GLI3: variants seen among roughly 807,000 people sequenced by gnomAD.
The protein encoded by GLI3 is transcription activator GLI3.
A neutral mutation model predicts 100.8 loss-of-function variants in GLI3; 20 were observed. The observed-to-expected ratio is 0.20, with a 90% CI of 0.14 to 0.29. The LOEUF (loss-of-function observed/expected upper bound fraction) is 0.29. Ranked by LOEUF, GLI3 falls within the 10% of genes least tolerant of loss-of-function variation. The probability of loss-of-function intolerance (pLI) is 1.00; values close to 1 mark genes in which losing one functional copy is unlikely to be tolerated. For missense variants in GLI3, 2,040 were observed against 2,128.5 expected (o/e 0.96, Z 0.82); for synonymous variants, 938 against 860.5 (o/e 1.09, Z -1.58).
chr7:41,987,101 GACAC>G (rs34005460), intron 10 of GLI3, among the ~76,000 whole-genome samples: 4,978 of 140,686 alleles, frequency 0.035, 238 homozygotes, highest in African/African-American at 0.12. Context: ...CACAGACACA[GACAC>G]ACACACACAC....
intron 3 of GLI3, among the ~76,000 whole-genome samples, chr7:42,101,434 C>T (rs757293961): frequency 6.6e-6 from 1 of 151,958 alleles, no homozygotes. Flanking sequence ...GACCTGGTCT[C>T]TACAATTTTT....
chr7:42,172,757 T>G, intron 2 of GLI3: 1 of 630,992 alleles, frequency 1.6e-6, no homozygotes, highest in South Asian at 1.8e-5. Flanking sequence ...CACATTTCAT[T>G]ACTTGGCTAT....
chr7:41,965,378 T>C lies in GLI3; in HGVS notation c.3695A>G (p.His1232Arg), dbSNP rs780924905. 1 of 1,612,894 alleles carries C rather than the reference T, an allele frequency of 6.2e-7. No individual in the cohort carries two copies. The highest frequency in any genetic ancestry group is 1.1e-5 in the South Asian group (1 of 90,996). Residue 1232 changes from histidine to arginine, a missense_variant, in exon 15 of 15, where the codon CAC becomes CGC. This residue lies in a region of GLI3 where 1,041 missense variants were observed against 924.0 expected (regional missense o/e 1.13). Coordinates refer to ENST00000395925, the MANE Select transcript of GLI3 (RefSeq NM_000168.6). ...PYGGPEHLML[H>R]NSPGSGTSGN... ...ACTGGTGCCACTTCCGGGGCTGTTG[T>C]GGAGCATCAAGTGCTCTGGGCCACC...
intron 10 of GLI3, among the ~76,000 whole-genome samples, chr7:41,994,976 T>A (rs1012185401): frequency 1.3e-5 from 2 of 152,210 alleles, no homozygotes; most frequent in Non-Finnish European, 2.9e-5. Flanking sequence ...AGTTTATGAA[T>A]TTCAGCACTC....
intron 1 of GLI3, among the ~76,000 whole-genome samples, chr7:42,252,287 A>T (rs1481761492): frequency 6.6e-6 from 1 of 152,218 alleles, no homozygotes; most frequent in Non-Finnish European, 1.5e-5. Context: ...TGGGAGCTAA[A>T]CAGTGAGAAC....
At chr7:42,089,521 A>G (rs1785172412) in intron 3 of GLI3, among the ~76,000 whole-genome samples, 1 of 152,186 alleles carries the variant, frequency 6.6e-6, no homozygotes, top group South Asian at 2.1e-4. Flanking sequence ...TAGAAAAGCC[A>G]TCCTTTCTAC....
intron 12 of GLI3, among the ~76,000 whole-genome samples, chr7:41,973,771 A>G (rs1583743472): frequency 6.6e-6 from 1 of 152,192 alleles, no homozygotes; most frequent in African/African-American, 2.4e-5. Flanking sequence ...ACTGAGTGCT[A>G]CCTAAAATGC....
intron 3 of GLI3, among the ~76,000 whole-genome samples, chr7:42,102,309 C>A (rs1032809716): frequency 1.3e-5 from 2 of 152,182 alleles, no homozygotes; most frequent in South Asian, 4.1e-4. Context: ...GGGTACCTGG[C>A]TCTGATAGCA....
intron 7 of GLI3, among the ~76,000 whole-genome samples, chr7:42,027,051 G>A (rs1789139329): frequency 6.6e-6 from 1 of 152,216 alleles, no homozygotes; most frequent in African/African-American, 2.4e-5. Context: ...TCCAGTGGGA[G>A]AGCACTGCTC....
chr7:42,234,657 A>G (rs1442789114), intron 1 of GLI3, among the ~76,000 whole-genome samples: 1 of 152,152 alleles, frequency 6.6e-6, no homozygotes, highest in African/African-American at 2.4e-5. Flanking sequence ...AGTTGGACCT[A>G]CCAGCCTACT....
chr7:42,044,010 T>C (rs1236823385), intron 6 of GLI3, among the ~76,000 whole-genome samples: 1 of 152,220 alleles, frequency 6.6e-6, no homozygotes. Context: ...CATGTAGTAA[T>C]GAGCTTCCCA....
chr7:41,967,719 C>T lies in GLI3; in HGVS notation c.2308G>A (p.Ala770Thr), dbSNP rs1355649064. 6.2e-7 allele frequency: 1 copy of T among 1,614,192 alleles called. No individual in the cohort carries two copies. Among genetic ancestry groups the T allele is most frequent in the South Asian group, 1.1e-5 (1 of 91,078 alleles). ...ACGTGCTCCATCCATTTGGTCCCTGCCGGGTTTCTCCTGGCTTGCAAAGCA... is the reference window on the plus strand; with the variant it reads ...ACGTGCTCCATCCATTTGGTCCCTGTCGGGTTTCTCCTGGCTTGCAAAGCA... ...ALALQARRNPAGTKWMEHVKL... is the reference protein window; with the variant it reads ...ALALQARRNPTGTKWMEHVKL... The change falls in exon 14 of 15, where the codon GCA (alanine) becomes ACA (threonine). Residue 770 changes from alanine to threonine, a missense_variant. This residue lies in a region of GLI3 where 327 missense variants were observed against 338.7 expected (regional missense o/e 0.97). Coordinates refer to ENST00000395925, the MANE Select transcript of GLI3 (RefSeq NM_000168.6).
chr7:42,114,370 T>TG (rs1364862896), intron 3 of GLI3, among the ~76,000 whole-genome samples: 1 of 152,144 alleles, frequency 6.6e-6, no homozygotes, highest in Non-Finnish European at 1.5e-5. Context: ...TGTCTACCCA[T>TG]GTCCTGCCTG....
At chr7:42,140,750 A>AT (rs1786548683) in intron 3 of GLI3, among the ~76,000 whole-genome samples, 1 of 152,238 alleles carries the variant, frequency 6.6e-6, no homozygotes, top group Non-Finnish European at 1.5e-5. Flanking sequence ...AAGAAAGCTA[A>AT]GGCAGGATGG....
At chr7:42,065,434 A>T (rs1784654896) in intron 4 of GLI3, among the ~76,000 whole-genome samples, 1 of 151,978 alleles carries the variant, frequency 6.6e-6, no homozygotes, top group Non-Finnish European at 1.5e-5. Flanking sequence ...GCTATATCAC[A>T]ATGTTTTACC....
chr7:41,995,601 C>T (rs6463084), intron 10 of GLI3, among the ~76,000 whole-genome samples: 88,634 of 151,964 alleles, frequency 0.58, 27,267 homozygotes, highest in African/African-American at 0.79. Flanking sequence ...AAAAAAGTGG[C>T]AATTTCAAGG....
chr7:42,045,594 G>C (rs1174969395), intron 5 of GLI3, 64 bp from the exon 6 acceptor site: 5 of 1,494,732 alleles, frequency 3.3e-6, no homozygotes, highest in Non-Finnish European at 4.6e-6. Context: ...TTTCTCTTGA[G>C]GCATCTCAGA....
chr7:41,989,053 A>T (rs746237872), intron 10 of GLI3, among the ~76,000 whole-genome samples: 9 of 152,244 alleles, frequency 5.9e-5, no homozygotes, highest in Non-Finnish European at 1.3e-4. Context: ...ATTTAATTTT[A>T]TACCATATCC....
chr7:42,213,729 C>T (rs1177572162), intron 2 of GLI3, among the ~76,000 whole-genome samples: 4 of 152,212 alleles, frequency 2.6e-5, no homozygotes, highest in Admixed American at 6.5e-5. Context: ...GTGGAAATGT[C>T]GCCTATCCAT....
Sources: gnomAD v4.1 joint callset for allele counts (sites outside exome capture counted in the v4.1 genomes callset) on GRCh38, gnomAD v4.1.1 for gene constraint, gnomAD v4.1.1 regional missense constraint, MANE v1.5 for transcripts, NCBI Gene and HGNC (gene_info 2026-07-23, HGNC 2026-07-21) for gene names.